BACE2: variants seen among roughly 807,000 people sequenced by gnomAD.
The protein encoded by BACE2 is beta-secretase 2.
Under a neutral mutation model 46.2 loss-of-function variants are expected in BACE2, and 17 were observed. The ratio of observed to expected loss-of-function variants is 0.37; its 90% CI spans 0.25 to 0.55. The LOEUF is 0.55. BACE2 is among the 20% of genes least tolerant of loss of function. The probability of loss-of-function intolerance (pLI) is 0.82; values close to 1 mark genes in which losing one functional copy is unlikely to be tolerated. For synonymous variants in BACE2, 277 were observed against 295.9 expected, an observed-to-expected ratio of 0.94 and a Z score of 0.66; for missense variants, 595 against 698.1, an observed-to-expected ratio of 0.85 and a Z score of 1.66.
chr21:41,180,694 A>T (rs530222088), intron 1 of BACE2: 8 of 167,136 alleles, frequency 4.8e-5, no homozygotes, highest in Non-Finnish European at 1.0e-4. Flanking sequence ...GGCACTTTTG[A>T]TGGTTGACCA....
chr21:41,249,014 A>G (rs1243663084), intron 6 of BACE2, among the ~76,000 whole-genome samples: 1 of 152,004 alleles, frequency 6.6e-6, no homozygotes, highest in East Asian at 1.9e-4. Flanking sequence ...ACGTGATCCC[A>G]TCCTTAGCCT....
intron 1 of BACE2, among the ~76,000 whole-genome samples, chr21:41,188,589 T>C (rs1056245569): frequency 1.1e-4 from 17 of 152,138 alleles, no homozygotes; most frequent in African/African-American, 2.9e-4. Flanking sequence ...TTACATACCA[T>C]AGGGAAGGAA....
At chr21:41,229,267 C>T (rs754919731) in intron 2 of BACE2, among the ~76,000 whole-genome samples, 6 of 152,200 alleles carry the variant, frequency 3.9e-5, no homozygotes, top group Non-Finnish European at 8.8e-5. Flanking sequence ...AACCAACACA[C>T]GTGGAGCTTG....
intron 1 of BACE2, among the ~76,000 whole-genome samples, chr21:41,202,748 C>T (rs1986001396): frequency 6.6e-6 from 1 of 152,232 alleles, no homozygotes; most frequent in African/African-American, 2.4e-5. Flanking sequence ...AGTGCGGTCA[C>T]TGAGAGACGG....
chr21:41,222,354 A>C (rs765117585), intron 1 of BACE2, among the ~76,000 whole-genome samples: 54 of 152,220 alleles, frequency 3.5e-4, no homozygotes, highest in Non-Finnish European at 6.0e-4. Context: ...AGGGCCAGCC[A>C]GGGTCAGCTT....
At position 41,252,688 on chromosome 21, in the gene BACE2, G is replaced by A. The variant is rs1364753324; in HGVS notation, c.1134+1787G>A. ...CGTGGAGGGAAAGTACATCAGAACT[G>A]TTTGTGGAATGGACACATCAATATG... On this transcript the variant is annotated intron_variant, in intron 7 of 8. Transcript: ENST00000330333. 4.6e-5 allele frequency among the ~76,000 whole-genome samples: 7 copies of A among 152,282 alleles called. No homozygotes were observed. In the East Asian group the frequency reaches 1.3e-3, roughly 29 times the overall value.
Position 41,276,660 on chromosome 21 carries a change from G to A in BACE2, c.*1036G>A, listed in dbSNP as rs916197613. 1 of 152,260 alleles carries A rather than the reference G, an allele frequency of 6.6e-6. No homozygotes were observed. The highest frequency in any genetic ancestry group is 1.5e-5 in the Non-Finnish European group (1 of 68,046). The allele number at this position is 152,260 out of a possible 1,614,324, so 9.4% of individuals were successfully genotyped here. A position where few individuals can be genotyped will look rare whatever the true frequency, so the allele number is the denominator to read the frequency against. ...CTGGAAGTAGGTTGGCTATTACCCT[G>A]TTGGGAAACAGGGAAATGGCCTGAT... On this transcript the variant is annotated 3_prime_UTR_variant, in exon 9 of 9. Coordinates refer to ENST00000330333, the MANE Select transcript of BACE2 (RefSeq NM_012105.5).
In BACE2 at chr21:41,245,984, T is replaced by G; in HGVS notation, c.905T>G (p.Val302Gly). The G allele has an allele frequency of 6.2e-7, 1 of 1,611,080 alleles. No individual in the cohort carries two copies. Among genetic ancestry groups the G allele is most frequent in the Non-Finnish European group, 8.5e-7 (1 of 1,178,700 alleles). Residue 302 changes from valine to glycine, a missense_variant, in exon 6 of 9, where the codon GTG becomes GGG. Transcript: ENST00000330333. ...CREYNADKAIVDSGTTLLRLP... is the reference protein window; with the variant it reads ...CREYNADKAIGDSGTTLLRLP... ...AAGTATAACGCAGACAAGGCCATCG[T>G]GGACAGTGGCACCACGCTGCTGCGC...
intron 2 of BACE2, among the ~76,000 whole-genome samples, chr21:41,229,196 C>G (rs1986905922): frequency 6.6e-6 from 1 of 152,220 alleles, no homozygotes; most frequent in African/African-American, 2.4e-5. Context: ...CTGCTGGGCT[C>G]TAGTCTGTAC....
chr21:41,274,124 C>A (rs2088461049), intron 8 of BACE2, among the ~76,000 whole-genome samples: 1 of 151,982 alleles, frequency 6.6e-6, no homozygotes. Flanking sequence ...TCATTATCTA[C>A]AAACCAGGAA....
rs1358097661 is a variant in BACE2, at chr21:41,237,749, T to A, written c.618+20T>A. On this transcript the variant is annotated intron_variant, in intron 3 of 8. Coordinates refer to ENST00000330333, the MANE Select transcript of BACE2 (RefSeq NM_012105.5). ...GCCAAGGTAAGGCTAATCCATGGAT[T>A]TAAGGAAATCAAATAACAGGATGAG... The A allele has an allele frequency of 1.3e-6, 2 of 1,590,304 alleles. No homozygotes were observed. The highest frequency in any genetic ancestry group is 2.7e-5 in the African/African-American group (2 of 74,344).
intron 6 of BACE2, among the ~76,000 whole-genome samples, chr21:41,249,736 C>G (rs770579072): frequency 5.9e-5 from 9 of 152,224 alleles, no homozygotes; most frequent in Non-Finnish European, 1.0e-4. Flanking sequence ...CTCTGCCCCA[C>G]GCGGGACCCT....
chr21:41,249,389 G>A (rs1301615848), intron 6 of BACE2, among the ~76,000 whole-genome samples: 2 of 150,074 alleles, frequency 1.3e-5, no homozygotes, highest in Non-Finnish European at 3.0e-5. Flanking sequence ...TGTACACTTG[G>A]CTTCAGGGGA....
rs751723933 is a variant in BACE2 at position 41,200,463 on chromosome 21, G to A, written c.313-25803G>A. On this transcript the variant is annotated intron_variant, in intron 1 of 8. Coordinates refer to ENST00000330333, the MANE Select transcript of BACE2 (RefSeq NM_012105.5). ...TTGCTGTCTTGTTACTATGGATGTCGGATTAGGTGCACCCGTGAGGTCTTG... is the reference window on the plus strand; with the variant it reads ...TTGCTGTCTTGTTACTATGGATGTCAGATTAGGTGCACCCGTGAGGTCTTG... 7.0e-4 allele frequency among the ~76,000 whole-genome samples: 106 copies of A among 152,104 alleles called. 1 individual carries two copies. The highest frequency in any genetic ancestry group is 3.1e-3 in the Admixed American group (48 of 15,276).
rs2123659792 is a variant in BACE2, at chr21:41,277,224, C to A, written c.*1600C>A. ...CTCTGCTCCCTGGGTCCCCGGGTCA[C>A]CACCATACTGAGAAATATAGGACTC... is the stretch of plus-strand genomic sequence containing the variant. On this transcript the variant is annotated 3_prime_UTR_variant, in exon 9 of 9. Transcript: ENST00000330333. 1 of 152,160 alleles carries A rather than the reference C, an allele frequency of 6.6e-6. No individual in the cohort carries two copies. The highest frequency in any genetic ancestry group is 2.1e-4 in the South Asian group (1 of 4,824). The allele number at this position is 152,160 out of a possible 1,614,324, so 9.4% of individuals were successfully genotyped here.
chr21:41,197,861 G>T (rs1172322792), intron 1 of BACE2, among the ~76,000 whole-genome samples: 1 of 152,298 alleles, frequency 6.6e-6, no homozygotes, highest in Non-Finnish European at 1.5e-5. Flanking sequence ...CCCACTGTGT[G>T]CCCTGAACCA....
intron 3 of BACE2, among the ~76,000 whole-genome samples, chr21:41,240,534 G>T (rs184261894): frequency 1.9e-4 from 29 of 152,322 alleles, no homozygotes; most frequent in African/African-American, 6.7e-4. Context: ...TGTTTCACAG[G>T]GAAGGAAGCA....
intron 1 of BACE2, among the ~76,000 whole-genome samples, chr21:41,173,517 G>A (rs1312047094): frequency 2.6e-5 from 4 of 152,250 alleles, no homozygotes; most frequent in East Asian, 1.9e-4. Flanking sequence ...TGAGGCGGGC[G>A]GGTCACCTGA....
intron 5 of BACE2, among the ~76,000 whole-genome samples, chr21:41,244,734 A>G (rs538493504): frequency 6.6e-6 from 1 of 152,342 alleles, no homozygotes; most frequent in Admixed American, 6.5e-5. Flanking sequence ...CCTCTGAGAA[A>G]CTAAAGATTA....
Sources: gnomAD v4.1 joint callset for allele counts (sites outside exome capture counted in the v4.1 genomes callset) on GRCh38, gnomAD v4.1.1 for gene constraint, MANE v1.5 for transcripts, NCBI Gene and HGNC (gene_info 2026-07-23, HGNC 2026-07-21) for gene names.